Variants in RUNX1 observed in about 807,000 individuals in gnomAD.
RUNX1 encodes RUNX family transcription factor 1.
RUNX1 carries 19 observed loss-of-function variants against 42.8 expected under a neutral mutation model. That is an observed-to-expected ratio of 0.44 (90% CI 0.31 to 0.65). The LOEUF (loss-of-function observed/expected upper bound fraction) is 0.65. Among genes scored for constraint, RUNX1 ranks in the 30% least tolerant of loss-of-function variants. RUNX1 has a pLI of 0.07. For missense variants in RUNX1, 528 were observed against 672.0 expected (o/e 0.79, Z 2.37); for synonymous variants, 271 against 289.4 (o/e 0.94, Z 0.64).
chr21:34,993,593 ACACACAGG>A (rs2058964829), intron 2 of RUNX1, among the ~76,000 whole-genome samples: 1 of 136,848 alleles, frequency 7.3e-6, no homozygotes, highest in Non-Finnish European at 1.6e-5. Flanking sequence ...ACAGACACAC[ACACACAGG>A]CACACACAGG....
At chr21:34,970,703 C>A (rs981544477) in intron 2 of RUNX1, among the ~76,000 whole-genome samples, 2 of 152,188 alleles carry the variant, frequency 1.3e-5, no homozygotes, top group African/African-American at 2.4e-5. Flanking sequence ...CCCACACTAA[C>A]CTTGTGAGGC....
intron 2 of RUNX1, among the ~76,000 whole-genome samples, chr21:34,908,790 G>A (rs978834251): frequency 6.6e-6 from 1 of 152,112 alleles, no homozygotes. Context: ...AACACCCTTT[G>A]TCAAAGTCAG....
intron 2 of RUNX1, among the ~76,000 whole-genome samples, chr21:35,019,615 TCCTTGAGC>T (rs999058820): frequency 9.9e-5 from 15 of 152,070 alleles, no homozygotes; most frequent in Non-Finnish European, 1.8e-4. Context: ...GTGGCAAACC[TCCTTGAGC>T]CCTTGAGCCT....
At chr21:34,897,253 C>A (rs1383686154) in intron 2 of RUNX1, among the ~76,000 whole-genome samples, 1 of 152,174 alleles carries the variant, frequency 6.6e-6, no homozygotes, top group Non-Finnish European at 1.5e-5. Flanking sequence ...CTATTGACAT[C>A]ATTCTGGTTC....
intron 2 of RUNX1, among the ~76,000 whole-genome samples, chr21:34,947,176 A>G (rs929709814): frequency 6.6e-6 from 1 of 152,194 alleles, no homozygotes; most frequent in Non-Finnish European, 1.5e-5. Context: ...TGGAGACTAA[A>G]TTTTATTTAT....
Position 34,799,166 on chromosome 21 carries a change from G to T in RUNX1, c.967+135C>A. ...CAAGAAAATCAGTGCATGGGCATGGGACTCAGAGTAGAGATAGGTCACCTT... is the reference window on the plus strand; with the variant it reads ...CAAGAAAATCAGTGCATGGGCATGGTACTCAGAGTAGAGATAGGTCACCTT... On this transcript the variant is annotated intron_variant, in intron 8 of 8. Transcript: ENST00000675419. 3.3e-6 allele frequency: 3 copies of T among 905,836 alleles called. No homozygotes were observed. In the Admixed American group the frequency reaches 5.7e-5, roughly 17 times the overall value. 56.1% of individuals were successfully genotyped at this position (905,836 alleles called of 1,614,324 possible). A position where few individuals can be genotyped will look rare whatever the true frequency, so the allele number is the denominator to read the frequency against.
At chr21:35,023,317 C>T (rs567602301) in intron 2 of RUNX1, among the ~76,000 whole-genome samples, 5 of 152,262 alleles carry the variant, frequency 3.3e-5, no homozygotes, top group Non-Finnish European at 4.4e-5. Flanking sequence ...TGCAAAACTC[C>T]GGAAAATTAA....
intron 4 of RUNX1, among the ~76,000 whole-genome samples, chr21:34,884,817 G>A (rs1272350855): frequency 6.6e-6 from 1 of 152,070 alleles, no homozygotes; most frequent in East Asian, 1.9e-4. Context: ...AATGTTCTCA[G>A]GGGATCTGCT....
chr21:34,977,352 G>GA (rs1555911476), intron 2 of RUNX1, among the ~76,000 whole-genome samples: 4 of 152,180 alleles, frequency 2.6e-5, no homozygotes, highest in Non-Finnish European at 5.9e-5. Flanking sequence ...CCATTTAGAG[G>GA]AAAAAACTTA....
At chr21:34,964,487 CAAA>C (rs58388110) in intron 2 of RUNX1, among the ~76,000 whole-genome samples, 10 of 119,310 alleles carry the variant, frequency 8.4e-5, no homozygotes, top group Non-Finnish European at 1.1e-4. Context: ...GACTCCATCT[CAAA>C]AAAAAAAAAA....
intron 2 of RUNX1, among the ~76,000 whole-genome samples, chr21:35,031,062 G>T (rs1046502363): frequency 1.3e-5 from 2 of 152,172 alleles, no homozygotes; most frequent in African/African-American, 4.8e-5. Flanking sequence ...AAAAAGTTAA[G>T]AGATGGCCGG....
intron 2 of RUNX1, among the ~76,000 whole-genome samples, chr21:35,020,748 T>C (rs989899638): frequency 2.6e-5 from 4 of 152,210 alleles, no homozygotes; most frequent in African/African-American, 9.7e-5. Flanking sequence ...CAAGTGAGAA[T>C]CTTGATTAGA....
intron 2 of RUNX1, among the ~76,000 whole-genome samples, chr21:35,026,769 G>C (rs1471106752): frequency 6.6e-6 from 1 of 152,226 alleles, no homozygotes; most frequent in Non-Finnish European, 1.5e-5. Context: ...GAGCGACGCA[G>C]AAAGCAACAG....
At chr21:35,011,215 T>C (rs2059124300) in intron 2 of RUNX1, among the ~76,000 whole-genome samples, 1 of 152,180 alleles carries the variant, frequency 6.6e-6, no homozygotes, top group African/African-American at 2.4e-5. Flanking sequence ...TGAGTATTCT[T>C]GGGACAAACA....
intron 2 of RUNX1, among the ~76,000 whole-genome samples, chr21:34,894,838 A>G (rs1010161798): frequency 6.6e-6 from 1 of 150,554 alleles, no homozygotes; most frequent in Non-Finnish European, 1.5e-5. Context: ...TGGAGAGTTC[A>G]GGTAACTTGC....
chr21:35,009,939 T>C lies in RUNX1; in HGVS notation c.58+38903A>G, dbSNP rs139238348. Among the ~76,000 whole-genome samples the C allele has an allele frequency of 6.6e-5, 10 of 152,288 alleles. No individual in the cohort carries two copies. The East Asian group carries it at 1.7e-3, about 26-fold the overall frequency. On this transcript the variant is annotated intron_variant, in intron 2 of 8. Coordinates refer to ENST00000675419, the MANE Select transcript of RUNX1 (RefSeq NM_001754.5). ...CATATGCCACTTGCAAGCATTAAGGTCCTATCAGTTGATGCTGAAGCTGTG... is the reference window on the plus strand; with the variant it reads ...CATATGCCACTTGCAAGCATTAAGGCCCTATCAGTTGATGCTGAAGCTGTG...
chr21:34,964,285 G>A (rs1056288733), intron 2 of RUNX1, among the ~76,000 whole-genome samples: 4 of 151,922 alleles, frequency 2.6e-5, no homozygotes, highest in Non-Finnish European at 5.9e-5. Flanking sequence ...TCAGGAGATC[G>A]AGACCATCCT....
chr21:34,849,320 AT>A (rs2057367782), intron 6 of RUNX1, among the ~76,000 whole-genome samples: 1 of 33,582 alleles, frequency 3.0e-5, no homozygotes, highest in Non-Finnish European at 5.8e-5. Flanking sequence ...TATTATATAT[AT>A]ATTATATATA....
chr21:34,796,733 G>A (rs1204102957), intron 8 of RUNX1, among the ~76,000 whole-genome samples: 2 of 152,146 alleles, frequency 1.3e-5, no homozygotes, highest in Non-Finnish European at 2.9e-5. Context: ...CTTAAAAGGA[G>A]CTTTTGCATG....
Sources: gnomAD v4.1 joint callset for allele counts (sites outside exome capture counted in the v4.1 genomes callset) on GRCh38, gnomAD v4.1.1 for gene constraint, MANE v1.5 for transcripts, NCBI Gene and HGNC (gene_info 2026-07-23, HGNC 2026-07-21) for gene names.